Variants in CDH13 observed in about 807,000 individuals in gnomAD.
The protein encoded by CDH13 is cadherin-13.
CDH13 carries 24 observed loss-of-function variants against 63.8 expected under a neutral mutation model. The ratio of observed to expected loss-of-function variants is 0.38; its 90% confidence interval spans 0.27 to 0.53. The LOEUF is 0.53. Among genes scored for constraint, CDH13 ranks in the 20% least tolerant of loss-of-function variants. The pLI, the probability that CDH13 is intolerant of heterozygous loss-of-function variation, is 0.85. For synonymous variants in CDH13, 503 were observed against 355.3 expected, an observed-to-expected ratio of 1.42 and a Z score of -4.67; for missense variants, 1,049 against 903.1, an observed-to-expected ratio of 1.16 and a Z score of -2.07.
At chr16:83,084,486 C>A (rs1250534454) in intron 3 of CDH13, among the ~76,000 whole-genome samples, 7 of 152,166 alleles carry the variant, frequency 4.6e-5, no homozygotes, top group African/African-American at 1.7e-4. Flanking sequence ...AACAGTTGTC[C>A]TTTGAACTTT....
intron 2 of CDH13, among the ~76,000 whole-genome samples, chr16:82,871,426 G>A (rs1385202001): frequency 6.6e-6 from 1 of 152,110 alleles, no homozygotes. Context: ...GAGTGTTATT[G>A]GGGAGCACTT....
chr16:82,793,444 T>G (rs548209824), intron 1 of CDH13, among the ~76,000 whole-genome samples: 2 of 129,774 alleles, frequency 1.5e-5, no homozygotes, highest in Admixed American at 1.5e-4. Flanking sequence ...ATGTTCTTTA[T>G]AGAGGTGAAA....
At position 83,569,970 on chromosome 16, in the gene CDH13, C is replaced by T. The variant is rs548821061; in HGVS notation, c.961-32484C>T. On this transcript the variant is annotated intron_variant, in intron 7 of 13. Transcript: ENST00000567109. ...CAGGTTGGTCTCGAACTCCTGACCT[C>T]GTGATCTTCCTGCCTTGGCCTCCCA... 3.3e-5 allele frequency among the ~76,000 whole-genome samples: 5 copies of T among 152,254 alleles called. No homozygotes were observed. In the South Asian group the frequency reaches 1.0e-3, roughly 32 times the overall value.
chr16:83,196,349 G>GA (rs1160608338), intron 4 of CDH13, among the ~76,000 whole-genome samples: 1 of 152,092 alleles, frequency 6.6e-6, no homozygotes, highest in African/African-American at 2.4e-5. Context: ...AAAAAAGTAG[G>GA]AAAAAATCTT....
intron 6 of CDH13, among the ~76,000 whole-genome samples, chr16:83,347,007 C>T (rs183231597): frequency 7.3e-4 from 111 of 152,188 alleles, no homozygotes; most frequent in African/African-American, 2.1e-3. Flanking sequence ...CTATAAAGCA[C>T]GCAGTGAAAT....
At chr16:83,378,251 A>G (rs2091492551) in intron 6 of CDH13, among the ~76,000 whole-genome samples, 2 of 152,180 alleles carry the variant, frequency 1.3e-5, no homozygotes, top group Admixed American at 6.5e-5. Flanking sequence ...ACAACTGAGA[A>G]TCTTGATGCC....
intron 2 of CDH13, among the ~76,000 whole-genome samples, chr16:82,924,730 C>T (rs1355559958): frequency 6.6e-6 from 1 of 152,134 alleles, no homozygotes; most frequent in Non-Finnish European, 1.5e-5. Context: ...GTCACCATGG[C>T]CAGCCCTTCT....
chr16:83,569,448 C>G (rs1278891977), intron 7 of CDH13, among the ~76,000 whole-genome samples: 2 of 152,214 alleles, frequency 1.3e-5, no homozygotes, highest in African/African-American at 2.4e-5. Context: ...GGATACTGGG[C>G]TGCAGCCTTG....
chr16:83,620,389 C>CA (rs60446363), intron 8 of CDH13, among the ~76,000 whole-genome samples: 36,469 of 97,244 alleles, frequency 0.38, 6,730 homozygotes, highest in Non-Finnish European at 0.46. Context: ...GACTCCGTCT[C>CA]AAAAAAAAAA....
intron 1 of CDH13, among the ~76,000 whole-genome samples, chr16:82,855,664 C>G (rs1178821369): frequency 1.3e-5 from 2 of 152,180 alleles, no homozygotes; most frequent in African/African-American, 4.8e-5. Flanking sequence ...GCTCTCAAGA[C>G]AAGGGAATCC....
intron 5 of CDH13, among the ~76,000 whole-genome samples, chr16:83,311,737 C>A (rs534577359): frequency 6.6e-6 from 1 of 152,182 alleles, no homozygotes; most frequent in African/African-American, 2.4e-5. Flanking sequence ...TCTTCAAAGC[C>A]AATTTTATTC....
At chr16:83,606,659 C>G (rs1421544013) in intron 8 of CDH13, among the ~76,000 whole-genome samples, 2 of 147,692 alleles carry the variant, frequency 1.4e-5, no homozygotes, top group African/African-American at 2.6e-5. Context: ...CCTGGAAGGT[C>G]AAGACAGCAG....
At chr16:83,486,445 C>A in intron 6 of CDH13, 32 bp from the exon 7 acceptor site, 1 of 1,592,994 alleles carries the variant, frequency 6.3e-7, no homozygotes, top group South Asian at 1.1e-5. Flanking sequence ...CCATTGATAA[C>A]CATTCCGTGC....
intron 3 of CDH13, among the ~76,000 whole-genome samples, chr16:83,055,016 C>G (rs1193665680): frequency 2.0e-5 from 3 of 151,686 alleles, no homozygotes; most frequent in African/African-American, 7.3e-5. Context: ...AAATTTAAAA[C>G]AGAAATTAAT....
intron 5 of CDH13, among the ~76,000 whole-genome samples, chr16:83,265,727 CTTTTTT>C (rs71272416): frequency 2.0e-3 from 87 of 42,566 alleles, no homozygotes; most frequent in Non-Finnish European, 3.1e-3. Context: ...TAAATTTCTG[CTTTTTT>C]TTTTTTTTTT....
chr16:82,952,435 A>G (rs1333549971), intron 2 of CDH13, among the ~76,000 whole-genome samples: 3 of 152,224 alleles, frequency 2.0e-5, no homozygotes, highest in Admixed American at 6.5e-5. Flanking sequence ...GTTGGCTAGC[A>G]TTCATGCCCG....
intron 11 of CDH13, among the ~76,000 whole-genome samples, chr16:83,778,549 CATT>C (rs1191942244): frequency 6.6e-6 from 1 of 151,244 alleles, no homozygotes; most frequent in Non-Finnish European, 1.5e-5. Flanking sequence ...GAAAGAAAGA[CATT>C]ATTAGATTGG....
intron 5 of CDH13, among the ~76,000 whole-genome samples, chr16:83,301,969 G>GAA (rs35275432): frequency 4.2e-4 from 60 of 142,550 alleles, no homozygotes; most frequent in Admixed American, 8.3e-4. Flanking sequence ...GTAAATTTAA[G>GAA]AAAAAAAAAA....
intron 3 of CDH13, among the ~76,000 whole-genome samples, chr16:83,101,340 G>A (rs1043249854): frequency 1.3e-5 from 2 of 149,710 alleles, no homozygotes; most frequent in African/African-American, 2.5e-5. Flanking sequence ...TACTATATAT[G>A]TGTAGTATAT....
Sources: allele counts gnomAD v4.1 joint callset (sites outside exome capture counted in the v4.1 genomes callset), GRCh38; gene constraint gnomAD v4.1.1; transcripts MANE v1.5; gene names NCBI Gene and HGNC (gene_info 2026-07-23, HGNC 2026-07-21).